KIAA1217: variants seen among roughly 807,000 people sequenced by gnomAD.
KIAA1217 encodes the protein KIAA1217.
In KIAA1217, 88 loss-of-function variants were observed where a neutral mutation model predicts 163.9. That is an observed-to-expected ratio of 0.54 (90% CI 0.45 to 0.64). The LOEUF is 0.64. Among genes scored for constraint, KIAA1217 ranks in the 30% least tolerant of loss-of-function variants. The pLI is 0.00. For missense variants in KIAA1217, 2,372 were observed against 2,475.0 expected, an observed-to-expected ratio of 0.96 and a Z score of 0.88; for synonymous variants, 903 against 923.1, an observed-to-expected ratio of 0.98 and a Z score of 0.39.
At chr10:24,008,158 T>TTAGA (rs60229610) in intron 2 of KIAA1217, among the ~76,000 whole-genome samples, 10,374 of 148,310 alleles carry the variant, frequency 0.07, 350 homozygotes, top group East Asian at 0.084. Context: ...AGGTAGGAAA[T>TTAGA]TAGATAGATA....
At chr10:23,744,931 A>G (rs1839314345) in intron 1 of KIAA1217, among the ~76,000 whole-genome samples, 2 of 152,152 alleles carry the variant, frequency 1.3e-5, no homozygotes, top group African/African-American at 4.8e-5. Context: ...AACCGACTGG[A>G]TGAGGCCCAG....
At chr10:24,105,604 A>G (rs933085271) in intron 2 of KIAA1217, among the ~76,000 whole-genome samples, 1 of 152,214 alleles carries the variant, frequency 6.6e-6, no homozygotes, top group Non-Finnish European at 1.5e-5. Context: ...CATGGCCTGC[A>G]GGGGCTGCAG....
intron 5 of KIAA1217, among the ~76,000 whole-genome samples, chr10:24,444,313 A>G (rs1240531766): frequency 6.6e-6 from 1 of 152,160 alleles, no homozygotes; most frequent in African/African-American, 2.4e-5. Context: ...TGCCCAGCCC[A>G]TAATAAAATC....
chr10:23,894,730 A>T (rs1158729618), intron 1 of KIAA1217, among the ~76,000 whole-genome samples: 2 of 149,284 alleles, frequency 1.3e-5, no homozygotes, highest in Non-Finnish European at 3.0e-5. Flanking sequence ...ACGCTACCTG[A>T]CTTCAAACTA....
intron 2 of KIAA1217, among the ~76,000 whole-genome samples, chr10:24,247,767 C>T (rs571471356): frequency 1.3e-5 from 2 of 152,216 alleles, no homozygotes; most frequent in Non-Finnish European, 2.9e-5. Flanking sequence ...CGCCACTGCC[C>T]TCCAGCCTGG....
chr10:24,525,802 C>T (rs2072054456), intron 13 of KIAA1217, among the ~76,000 whole-genome samples: 1 of 151,866 alleles, frequency 6.6e-6, no homozygotes, highest in African/African-American at 2.4e-5. Flanking sequence ...GCCTGGGCAA[C>T]ATGACAAAGT....
chr10:24,495,118 A>G, intron 7 of KIAA1217, 29 bp from the exon 8 acceptor site: 1 of 1,595,900 alleles, frequency 6.3e-7, no homozygotes, highest in Non-Finnish European at 8.5e-7. Flanking sequence ...TGGAAACTGC[A>G]TAGCTGACTC....
intron 6 of KIAA1217, among the ~76,000 whole-genome samples, chr10:24,474,874 G>GTTTAAGC (rs1263873267): frequency 6.6e-6 from 1 of 152,150 alleles, no homozygotes; most frequent in East Asian, 1.9e-4. Context: ...TCCAAAGAAG[G>GTTTAAGC]TTTAAGCATG....
At chr10:24,147,862 A>AAAAAAAAAG (rs1564755588) in intron 2 of KIAA1217, among the ~76,000 whole-genome samples, 1 of 143,530 alleles carries the variant, frequency 7.0e-6, no homozygotes, top group Non-Finnish European at 1.5e-5. Flanking sequence ...AAAAAAAAAA[A>AAAAAAAAAG]GAAAGAAAGA....
intron 2 of KIAA1217, among the ~76,000 whole-genome samples, chr10:24,245,766 G>A (rs923295479): frequency 2.6e-5 from 4 of 151,752 alleles, no homozygotes; most frequent in Non-Finnish European, 5.9e-5. Flanking sequence ...CAAGTAGCTG[G>A]GACTGCAGGC....
chr10:24,036,322 C>T (rs1410064241), intron 2 of KIAA1217, among the ~76,000 whole-genome samples: 1 of 152,086 alleles, frequency 6.6e-6, no homozygotes, highest in Non-Finnish European at 1.5e-5. Context: ...GTGGAGGCAT[C>T]CAGTCACGAA....
chr10:23,849,534 A>T (rs1839202214), intron 1 of KIAA1217, among the ~76,000 whole-genome samples: 1 of 152,098 alleles, frequency 6.6e-6, no homozygotes, highest in Admixed American at 6.6e-5. Context: ...TGGTGTCAGG[A>T]TAACATCCTC....
At chr10:24,055,033 G>A (rs1002021259) in intron 2 of KIAA1217, among the ~76,000 whole-genome samples, 3 of 152,140 alleles carry the variant, frequency 2.0e-5, no homozygotes, top group Non-Finnish European at 2.9e-5. Context: ...TTGGGAAGCC[G>A]AGGCAAGCAG....
intron 1 of KIAA1217, among the ~76,000 whole-genome samples, chr10:23,774,109 C>T (rs1834911809): frequency 6.6e-6 from 1 of 152,036 alleles, no homozygotes; most frequent in Non-Finnish European, 1.5e-5. Context: ...TCATAGATAG[C>T]TCTTATTATT....
intron 2 of KIAA1217, among the ~76,000 whole-genome samples, chr10:24,126,028 A>G (rs992030613): frequency 5.9e-5 from 9 of 152,148 alleles, no homozygotes; most frequent in African/African-American, 1.9e-4. Context: ...TTGTGGATCT[A>G]TACTAATCTT....
At chr10:24,439,893 G>T (rs2060348237) in intron 5 of KIAA1217, among the ~76,000 whole-genome samples, 2 of 152,134 alleles carry the variant, frequency 1.3e-5, no homozygotes, top group African/African-American at 4.8e-5. Context: ...CCTTTTCCAT[G>T]TAACCTGATG....
intron 2 of KIAA1217, among the ~76,000 whole-genome samples, chr10:24,133,375 C>A (rs1340844630): frequency 6.6e-6 from 1 of 151,840 alleles, no homozygotes; most frequent in Non-Finnish European, 1.5e-5. Flanking sequence ...AGTTCGAGAC[C>A]AACTTGGACA....
intron 2 of KIAA1217, among the ~76,000 whole-genome samples, chr10:24,378,767 G>A (rs1460669894): frequency 2.0e-5 from 3 of 152,154 alleles, no homozygotes; most frequent in Non-Finnish European, 4.4e-5. Flanking sequence ...TGCGTGTGAG[G>A]AGACTGCTAA....
chr10:23,858,118 G>A (rs975515277), intron 1 of KIAA1217, among the ~76,000 whole-genome samples: 7 of 151,994 alleles, frequency 4.6e-5, no homozygotes, highest in African/African-American at 1.7e-4. Context: ...GGACAACTGT[G>A]ACCACTCAAG....
Sources: allele counts gnomAD v4.1 joint callset (sites outside exome capture counted in the v4.1 genomes callset), GRCh38; gene constraint gnomAD v4.1.1; transcripts MANE v1.5; gene names NCBI Gene and HGNC (gene_info 2026-07-23, HGNC 2026-07-21).